Variants in ZMYM2 observed in about 807,000 individuals in gnomAD.
ZMYM2 encodes zinc finger MYM-type protein 2.
Under a neutral mutation model 162.8 loss-of-function variants are expected in ZMYM2, and 56 were observed. The observed-to-expected ratio is 0.34, with a 90% CI of 0.28 to 0.43. The LOEUF (loss-of-function observed/expected upper bound fraction) is 0.43, where lower values mean the gene tolerates loss of function less well. Ranked by LOEUF, ZMYM2 falls within the 20% of genes least tolerant of loss-of-function variation. The pLI is 1.00. For missense variants in ZMYM2, 1,275 were observed against 1,621.8 expected, an observed-to-expected ratio of 0.79 and a Z score of 3.67; for synonymous variants, 510 against 541.6, an observed-to-expected ratio of 0.94 and a Z score of 0.81.
chr13:19,877,299 C>A, the ZMYM2 span, among the ~76,000 whole-genome samples: 4 of 152,038 alleles, frequency 2.6e-5, no homozygotes. Flanking sequence ...GCATCTGCTT[C>A]ACTTCTGGTG....
chr13:20,046,159 A>G (rs565363476), intron 12 of ZMYM2, among the ~76,000 whole-genome samples: 16 of 151,866 alleles, frequency 1.1e-4, no homozygotes, highest in African/African-American at 3.6e-4. Context: ...GGCTGAGGCA[A>G]GAGAATTGCT....
At chr13:19,898,093 GTT>G in the ZMYM2 span, among the ~76,000 whole-genome samples, 345 of 152,186 alleles carry the variant, frequency 2.3e-3, 1 homozygote, top group African/African-American at 7.7e-3. Flanking sequence ...CAACATGTTA[GTT>G]CACAAAACAT....
chr13:19,958,397 G>A (rs530491213), upstream of ZMYM2, among the ~76,000 whole-genome samples: 1 of 151,774 alleles, frequency 6.6e-6, no homozygotes, highest in South Asian at 2.1e-4. Flanking sequence ...GGGCCCCGAG[G>A]AGCCGAAGCG....
chr13:19,994,177 C>A (rs943101818), intron 3 of ZMYM2, among the ~76,000 whole-genome samples: 6 of 152,166 alleles, frequency 3.9e-5, no homozygotes, highest in African/African-American at 1.4e-4. Flanking sequence ...TCTTTACATT[C>A]ATCACCAAAG....
At chr13:19,922,395 T>C in the ZMYM2 span, among the ~76,000 whole-genome samples, 2 of 152,210 alleles carry the variant, frequency 1.3e-5, no homozygotes. Context: ...TATAACTACT[T>C]GTGGCAATAG....
At chr13:20,023,180 A>G (rs1379959186) in intron 7 of ZMYM2, among the ~76,000 whole-genome samples, 1 of 152,206 alleles carries the variant, frequency 6.6e-6, no homozygotes, top group African/African-American at 2.4e-5. Flanking sequence ...AGAATGTTAA[A>G]TTTCAGTTAG....
intron 2 of ZMYM2, among the ~76,000 whole-genome samples, chr13:19,973,366 A>G (rs1956493197): frequency 6.6e-6 from 1 of 152,254 alleles, no homozygotes; most frequent in South Asian, 2.1e-4. Flanking sequence ...AATGAAGGAA[A>G]CTATAAAACA....
At chr13:19,984,689 GT>G (rs1259071816) in intron 2 of ZMYM2, among the ~76,000 whole-genome samples, 1 of 152,182 alleles carries the variant, frequency 6.6e-6, no homozygotes, top group Non-Finnish European at 1.5e-5. Context: ...CTAAGTAGAT[GT>G]TTTCTGGTTG....
At chr13:20,085,349 A>G (rs1198129283) in intron 24 of ZMYM2, among the ~76,000 whole-genome samples, 1 of 152,224 alleles carries the variant, frequency 6.6e-6, no homozygotes, top group Non-Finnish European at 1.5e-5. Context: ...ACTATTTGTT[A>G]GTAGGAAATT....
chr13:20,006,401 A>G lies in ZMYM2; in HGVS notation c.1327A>G (p.Met443Val). The change falls in exon 6 of 25, where the codon ATG (methionine) becomes GTG (valine). Residue 443 changes from methionine to valine, a missense_variant. Met to Val is a conservative substitution (Grantham distance 21, BLOSUM62 1). Coordinates refer to ENST00000610343, the MANE Select transcript of ZMYM2 (RefSeq NM_197968.4). ...TCGCCATGAAGTCAGCTTTAAAAAT[A>G]TGACTCATAAGCTGTGCAGTGACCA... ...EIRHEVSFKN[M>V]THKLCSDHCF... The G allele has an allele frequency of 6.3e-7, 1 of 1,595,682 alleles. No homozygotes were observed. Among genetic ancestry groups the G allele is most frequent in the Non-Finnish European group, 8.5e-7 (1 of 1,170,450 alleles).
At chr13:19,970,150 T>A in intron 2 of ZMYM2, 1 of 730,684 alleles carries the variant, frequency 1.4e-6, no homozygotes, top group Non-Finnish European at 1.7e-6. Context: ...GTCATTACAC[T>A]AGATCATAGA....
chr13:19,933,249 C>A, the ZMYM2 span, among the ~76,000 whole-genome samples: 4 of 152,156 alleles, frequency 2.6e-5, no homozygotes, highest in Admixed American at 1.3e-4. Flanking sequence ...AAGTGCCCAG[C>A]CTGTTTTCTT....
At position 20,086,515 on chromosome 13, in the gene ZMYM2, T is replaced by C. The variant is rs1282044073; in HGVS notation, c.*501T>C. 1 of 216,414 alleles carries C rather than the reference T, an allele frequency of 4.6e-6. No homozygotes were observed. Among genetic ancestry groups the C allele is most frequent in the African/African-American group, 2.3e-5 (1 of 44,426 alleles). 13.4% of individuals were successfully genotyped at this position (216,414 alleles called of 1,614,324 possible). On this transcript the variant is annotated 3_prime_UTR_variant, in exon 25 of 25. Transcript: ENST00000610343. ...GGGGTTTTTGTTTTGTTTTGGGGTT[T>C]TGTTTTGTTTGGTTTTACATTTTAG...
chr13:19,889,314 T>C, the ZMYM2 span, among the ~76,000 whole-genome samples: 1 of 151,902 alleles, frequency 6.6e-6, no homozygotes, highest in Admixed American at 6.6e-5. Context: ...GGAATTTATT[T>C]TATTTTATTT....
At chr13:20,016,650 A>G (rs1399004336) in intron 6 of ZMYM2, among the ~76,000 whole-genome samples, 2 of 151,742 alleles carry the variant, frequency 1.3e-5, no homozygotes, top group African/African-American at 4.8e-5. Flanking sequence ...TTTCTCTATT[A>G]TTTTAAATGT....
chr13:19,911,258 C>T, the ZMYM2 span, among the ~76,000 whole-genome samples: 1 of 151,922 alleles, frequency 6.6e-6, no homozygotes, highest in African/African-American at 2.4e-5. Flanking sequence ...GAGATTTCAC[C>T]ATGTTGGCCA....
the ZMYM2 span, among the ~76,000 whole-genome samples, chr13:19,901,458 G>C: frequency 6.6e-6 from 1 of 152,094 alleles, no homozygotes; most frequent in African/African-American, 2.4e-5. Flanking sequence ...AAGGAAGGAA[G>C]CACTGATGTG....
At chr13:20,010,569 C>T (rs909805332) in intron 6 of ZMYM2, among the ~76,000 whole-genome samples, 3 of 152,034 alleles carry the variant, frequency 2.0e-5, no homozygotes, top group Non-Finnish European at 1.5e-5. Context: ...CTATTCAAGT[C>T]CTGTCTCTGT....
At chr13:19,958,093 T>C (rs1008324439), upstream of ZMYM2, among the ~76,000 whole-genome samples, 14 of 152,144 alleles carry the variant, frequency 9.2e-5, no homozygotes, top group Non-Finnish European at 1.6e-4. Context: ...TGGGGGACTA[T>C]TCCCCACGGG....
Sources: allele counts gnomAD v4.1 joint callset (sites outside exome capture counted in the v4.1 genomes callset), GRCh38; gene constraint gnomAD v4.1.1; transcripts MANE v1.5; gene names NCBI Gene and HGNC (gene_info 2026-07-23, HGNC 2026-07-21).